The following EHBP1 variants were observed in gnomAD, a reference collection of about 807,000 sequenced individuals.
The protein encoded by EHBP1 is EH domain-binding protein 1.
In EHBP1, 55 loss-of-function variants were observed where a neutral mutation model predicts 144.0. The observed-to-expected ratio is 0.38, with a 90% CI of 0.31 to 0.48. The LOEUF is 0.48. Among genes scored for constraint, EHBP1 ranks in the 20% least tolerant of loss-of-function variants. The pLI is 0.98. For synonymous variants in EHBP1, 469 were observed against 472.7 expected (o/e 0.99, Z 0.10); for missense variants, 1,200 against 1,364.2 (o/e 0.88, Z 1.90).
chr2:62,676,418 T>C (rs1211566025), intron 1 of EHBP1, among the ~76,000 whole-genome samples: 1 of 152,240 alleles, frequency 6.6e-6, no homozygotes, highest in Non-Finnish European at 1.5e-5. Flanking sequence ...AACACATTTT[T>C]GCTGACTGAA....
intron 10 of EHBP1, among the ~76,000 whole-genome samples, chr2:62,893,029 T>C (rs1048858306): frequency 1.3e-5 from 2 of 152,168 alleles, no homozygotes; most frequent in Non-Finnish European, 2.9e-5. Flanking sequence ...GTAATGAACA[T>C]TTCCAAAAGA....
At chr2:62,943,434 C>T (rs1430433879) in intron 11 of EHBP1, among the ~76,000 whole-genome samples, 1 of 146,508 alleles carries the variant, frequency 6.8e-6, no homozygotes, top group East Asian at 2.0e-4. Flanking sequence ...GAACTGACTT[C>T]AAATTATTAT....
At chr2:62,791,542 G>C (rs536803808) in intron 5 of EHBP1, among the ~76,000 whole-genome samples, 1 of 151,870 alleles carries the variant, frequency 6.6e-6, no homozygotes, top group Admixed American at 6.6e-5. Context: ...GAACATTTTA[G>C]TTTCATTTTA....
At chr2:63,019,766 G>A (rs1385855209) in intron 19 of EHBP1, among the ~76,000 whole-genome samples, 1 of 134,418 alleles carries the variant, frequency 7.4e-6, no homozygotes, top group East Asian at 2.6e-4. Context: ...GAGGGGAGGG[G>A]AGAGGAGGGG....
At chr2:62,981,069 CAAAAAA>C (rs754301803) in intron 15 of EHBP1, among the ~76,000 whole-genome samples, 2 of 48,290 alleles carry the variant, frequency 4.1e-5, no homozygotes, top group African/African-American at 7.3e-5. Context: ...GATGCTGTCT[CAAAAAA>C]AAAAAAAAAA....
intron 5 of EHBP1, among the ~76,000 whole-genome samples, chr2:62,824,966 T>C (rs759385708): frequency 6.6e-6 from 1 of 151,990 alleles, no homozygotes; most frequent in African/African-American, 2.4e-5. Flanking sequence ...TGGAAAATAA[T>C]TATAGAACTT....
At chr2:62,829,759 T>C (rs1037380356) in intron 6 of EHBP1, among the ~76,000 whole-genome samples, 8 of 147,268 alleles carry the variant, frequency 5.4e-5, no homozygotes, top group Non-Finnish European at 1.2e-4. Flanking sequence ...TTATGTATAT[T>C]ATACATATAT....
At chr2:62,673,881 A>C (rs906688661) in exon 1 of EHBP1, 1 of 380,218 alleles carries the variant, frequency 2.6e-6, no homozygotes, top group Non-Finnish European at 5.2e-6. Context: ...TGTGGGTAAC[A>C]TCTGACTCTC....
chr2:62,786,875 A>G (rs2042842536), intron 5 of EHBP1, among the ~76,000 whole-genome samples: 1 of 152,178 alleles, frequency 6.6e-6, no homozygotes, highest in Admixed American at 6.5e-5. Flanking sequence ...TTCTAAGAGC[A>G]GTTCTTGATT....
intron 2 of EHBP1, among the ~76,000 whole-genome samples, chr2:62,715,592 T>C (rs574393814): frequency 1.3e-5 from 2 of 152,260 alleles, no homozygotes; most frequent in East Asian, 3.9e-4. Flanking sequence ...CAATGTAATA[T>C]GAGGGGAATT....
chr2:62,722,174 T>C (rs2036293049), intron 2 of EHBP1, among the ~76,000 whole-genome samples: 1 of 151,950 alleles, frequency 6.6e-6, no homozygotes, highest in Non-Finnish European at 1.5e-5. Flanking sequence ...CTATTGCCCA[T>C]GCTGGAGTGC....
At chr2:62,816,867 TG>T (rs1390631837) in intron 5 of EHBP1, among the ~76,000 whole-genome samples, 1 of 152,206 alleles carries the variant, frequency 6.6e-6, no homozygotes, top group Middle Eastern at 3.2e-3. Flanking sequence ...ATACCTATTT[TG>T]CTCCATTTCT....
At chr2:62,880,015 G>A (rs867211258) in intron 10 of EHBP1, among the ~76,000 whole-genome samples, 30 of 151,620 alleles carry the variant, frequency 2.0e-4, no homozygotes, top group Middle Eastern at 3.4e-3. Context: ...ACTGGTAGAC[G>A]CACAGACCAA....
intron 2 of EHBP1, among the ~76,000 whole-genome samples, chr2:62,710,790 C>A (rs555032680): frequency 2.7e-4 from 41 of 152,252 alleles, no homozygotes; most frequent in Non-Finnish European, 4.4e-5. Flanking sequence ...CCAGCTTAGT[C>A]TTCCAATTAG....
At chr2:62,901,421 G>T (rs1339692657) in intron 10 of EHBP1, among the ~76,000 whole-genome samples, 1 of 152,078 alleles carries the variant, frequency 6.6e-6, no homozygotes, top group Non-Finnish European at 1.5e-5. Flanking sequence ...AGAGTTTCAG[G>T]CTCAACCCAA....
intron 8 of EHBP1, among the ~76,000 whole-genome samples, chr2:62,863,282 C>A (rs1482657873): frequency 8.4e-6 from 1 of 119,336 alleles, no homozygotes; most frequent in Non-Finnish European, 2.1e-5. Context: ...GAGACTCCGT[C>A]ACACACACAC....
At chr2:62,977,926 A>G (rs1447295030) in intron 14 of EHBP1, among the ~76,000 whole-genome samples, 1 of 152,166 alleles carries the variant, frequency 6.6e-6, no homozygotes, top group Non-Finnish European at 1.5e-5. Flanking sequence ...AATGAGTAGA[A>G]ATTAAATAAG....
rs1446927977 is a variant in EHBP1 at position 62,911,721 on chromosome 2, C to A, written c.1186-30997C>A. Among the ~76,000 whole-genome samples, 4 of 152,182 alleles carry A rather than the reference C, an allele frequency of 2.6e-5. No individual in the cohort carries two copies. In the East Asian group the frequency reaches 7.7e-4, roughly 29 times the overall value. On this transcript the variant is annotated intron_variant, in intron 10 of 22. Coordinates refer to ENST00000431489, the MANE Select transcript of EHBP1 (RefSeq NM_001142616.3). ...AGGTGATCTGCCCACCTTGGCCTCC[C>A]AAAGTGCTGAGATTACAGACGTGAG...
chr2:62,775,909 T>G (rs2042023484), intron 5 of EHBP1, among the ~76,000 whole-genome samples: 1 of 152,198 alleles, frequency 6.6e-6, no homozygotes, highest in Non-Finnish European at 1.5e-5. Flanking sequence ...ACTAGCTACC[T>G]TAATAAGAAA....
Sources: gnomAD v4.1 joint callset for allele counts (sites outside exome capture counted in the v4.1 genomes callset) on GRCh38, gnomAD v4.1.1 for gene constraint, MANE v1.5 for transcripts, NCBI Gene and HGNC (gene_info 2026-07-23, HGNC 2026-07-21) for gene names.